The following KCNN2 variants were observed in gnomAD, a reference collection of about 807,000 sequenced individuals.
The protein encoded by KCNN2 is small conductance calcium-activated potassium channel protein 2.
KCNN2 carries 24 observed loss-of-function variants against 55.5 expected under a neutral mutation model. The observed-to-expected ratio is 0.43, with a 90% CI of 0.31 to 0.61. The LOEUF (loss-of-function observed/expected upper bound fraction) is 0.61, where lower values mean the gene tolerates loss of function less well. Among genes scored for constraint, KCNN2 ranks in the 20% least tolerant of loss-of-function variants. The pLI, the probability that KCNN2 is intolerant of heterozygous loss-of-function variation, is 0.08. For missense variants in KCNN2, 754 were observed against 853.6 expected, an observed-to-expected ratio of 0.88 and a Z score of 1.45; for synonymous variants, 431 against 336.1, an observed-to-expected ratio of 1.28 and a Z score of -3.09.
intron 2 of KCNN2, among the ~76,000 whole-genome samples, chr5:114,264,651 G>T (rs1755173410): frequency 6.6e-6 from 1 of 152,146 alleles, no homozygotes; most frequent in African/African-American, 2.4e-5. Context: ...GATTTTAAGA[G>T]TTGCCAACTG....
intron 5 of KCNN2, among the ~76,000 whole-genome samples, chr5:114,474,859 T>A (rs530545943): frequency 1.3e-5 from 2 of 151,912 alleles, no homozygotes; most frequent in Admixed American, 6.6e-5. Context: ...TAAAATACCA[T>A]GTCGCCCATA....
chr5:114,261,120 A>G (rs1474337125), intron 2 of KCNN2, among the ~76,000 whole-genome samples: 1 of 152,200 alleles, frequency 6.6e-6, no homozygotes, highest in East Asian at 1.9e-4. Flanking sequence ...TGTTTTGTTA[A>G]CATTTGAAGT....
chr5:114,395,830 C>G (rs989799482), intron 2 of KCNN2, among the ~76,000 whole-genome samples: 14 of 152,172 alleles, frequency 9.2e-5, no homozygotes, highest in Non-Finnish European at 7.3e-5. Context: ...CTCTTACGTC[C>G]TGACCTTCCA....
intron 2 of KCNN2, among the ~76,000 whole-genome samples, chr5:114,233,007 G>GC (rs1272236759): frequency 1.7e-5 from 2 of 120,818 alleles, no homozygotes; most frequent in African/African-American, 6.4e-5. Flanking sequence ...TGCAAGCTCC[G>GC]CCTCCCGGGT....
intron 1 of KCNN2, among the ~76,000 whole-genome samples, chr5:114,135,301 C>T (rs1752152828): frequency 6.6e-6 from 1 of 152,174 alleles, no homozygotes; most frequent in Admixed American, 6.5e-5. Context: ...TCAACACTGT[C>T]CCTACTCCAA....
At chr5:114,100,402 G>A (rs946312642) in intron 1 of KCNN2, among the ~76,000 whole-genome samples, 4 of 152,110 alleles carry the variant, frequency 2.6e-5, no homozygotes, top group East Asian at 3.9e-4. Flanking sequence ...GTATTGCTGG[G>A]TATGGGTGTA....
At chr5:114,320,517 G>A (rs1275454937) in intron 2 of KCNN2, among the ~76,000 whole-genome samples, 1 of 151,958 alleles carries the variant, frequency 6.6e-6, no homozygotes, top group African/African-American at 2.4e-5. Context: ...GGGAGGCTGA[G>A]GCAGGAGAAT....
chr5:114,104,035 G>A (rs768653210), intron 1 of KCNN2, among the ~76,000 whole-genome samples: 3 of 152,116 alleles, frequency 2.0e-5, no homozygotes, highest in African/African-American at 7.2e-5. Flanking sequence ...GGAGAATTTG[G>A]CTGTGAATCC....
intron 3 of KCNN2, among the ~76,000 whole-genome samples, chr5:114,446,124 C>G (rs73245983): frequency 0.015 from 2,269 of 152,240 alleles, 67 homozygotes; most frequent in African/African-American, 0.051. Flanking sequence ...TCTGAGTAAA[C>G]TAATATACAA....
chr5:114,496,346 C>T lies in KCNN2; in HGVS notation c.*164C>T. 1 of 658,474 alleles carries T rather than the reference C, an allele frequency of 1.5e-6. No homozygotes were observed. The highest frequency in any genetic ancestry group is 2.2e-5 in the South Asian group (1 of 45,532). The allele number at this position is 658,474 out of a possible 1,614,324, so 40.8% of individuals were successfully genotyped here. On this transcript the variant is annotated 3_prime_UTR_variant, in exon 8 of 8. Coordinates refer to ENST00000673685, the MANE Select transcript of KCNN2 (RefSeq NM_021614.4). ...TTTTAGGCCAAAATGAGTGAAAACTCTTTTTTTTTCTTTCAGATGCACAGG... is the reference window on the plus strand; with the variant it reads ...TTTTAGGCCAAAATGAGTGAAAACTTTTTTTTTTTCTTTCAGATGCACAGG...
At chr5:114,363,792 A>G in intron 1 of KCNN2, 114 bp from the exon 2 acceptor site, 1 of 724,116 alleles carries the variant, frequency 1.4e-6, no homozygotes, top group Non-Finnish European at 2.4e-6. Flanking sequence ...CTCTCCCCTT[A>G]TCTTCCTTCT....
At chr5:114,261,472 T>G (rs749479185) in intron 2 of KCNN2, among the ~76,000 whole-genome samples, 1 of 152,218 alleles carries the variant, frequency 6.6e-6, no homozygotes, top group Non-Finnish European at 1.5e-5. Flanking sequence ...TATTTTTTAC[T>G]GGCTTCCAAG....
chr5:114,378,482 A>C (rs1290660029), intron 2 of KCNN2, among the ~76,000 whole-genome samples: 1 of 152,182 alleles, frequency 6.6e-6, no homozygotes, highest in Admixed American at 6.5e-5. Context: ...ATTCAGGTAG[A>C]TGCCGATTGG....
chr5:114,418,217 A>T lies in KCNN2; in HGVS notation c.1637+13361A>T, dbSNP rs368776844. On this transcript the variant is annotated intron_variant, in intron 3 of 7. Coordinates refer to ENST00000673685, the MANE Select transcript of KCNN2 (RefSeq NM_021614.4). ...AGTAATTAGGGTTTTACCATTTAGT[A>T]AGTTAACAAAGGTTAATAAGGAAAT... is the stretch of plus-strand genomic sequence containing the variant. Among the ~76,000 whole-genome samples, 3 of 152,240 alleles carry T rather than the reference A, an allele frequency of 2.0e-5. No homozygotes were observed. The East Asian group carries it at 5.8e-4, about 29-fold the overall frequency.
chr5:114,198,697 T>G (rs1244041326), intron 1 of KCNN2, among the ~76,000 whole-genome samples: 1 of 152,084 alleles, frequency 6.6e-6, no homozygotes, highest in Non-Finnish European at 1.5e-5. Context: ...TTTTAGTTTT[T>G]AAATACATGC....
chr5:114,369,451 A>G (rs1433273870), intron 2 of KCNN2, among the ~76,000 whole-genome samples: 1 of 152,188 alleles, frequency 6.6e-6, no homozygotes, highest in Non-Finnish European at 1.5e-5. Flanking sequence ...AGTAGAAGAA[A>G]TTATCTTGGA....
chr5:114,078,946 G>A (rs1580491372), intron 1 of KCNN2, among the ~76,000 whole-genome samples: 1 of 152,072 alleles, frequency 6.6e-6, no homozygotes, highest in Non-Finnish European at 1.5e-5. Context: ...CATTTTTTTT[G>A]TATGTGTCTA....
chr5:114,211,481 G>A (rs576467861), intron 1 of KCNN2, among the ~76,000 whole-genome samples: 3 of 152,228 alleles, frequency 2.0e-5, no homozygotes, highest in South Asian at 4.1e-4. Context: ...AATACCATAT[G>A]TTCTCACTTA....
chr5:114,077,829 G>T lies in KCNN2; in HGVS notation c.-271+21329G>T, dbSNP rs185373539. Among the ~76,000 whole-genome samples, 189 of 152,262 alleles carry T rather than the reference G, an allele frequency of 1.2e-3. 5 individuals carry two copies. The East Asian group carries it at 0.033, about 27-fold the overall frequency. ...AGGGGAAAGCCTCATTGTGGCAGAGGATCAGAGAAGGGGGGTGGTGAAGAC... is the reference window on the plus strand; with the variant it reads ...AGGGGAAAGCCTCATTGTGGCAGAGTATCAGAGAAGGGGGGTGGTGAAGAC... On this transcript the variant is annotated intron_variant, in intron 1 of 10. Transcript: ENST00000512097.
Sources: allele counts gnomAD v4.1 joint callset (sites outside exome capture counted in the v4.1 genomes callset), GRCh38; gene constraint gnomAD v4.1.1; transcripts MANE v1.5; gene names NCBI Gene and HGNC (gene_info 2026-07-23, HGNC 2026-07-21).